Variants in PALLD observed in about 807,000 individuals in gnomAD.
PALLD encodes the protein palladin, cytoskeletal associated protein, also known as palladin.
A neutral mutation model predicts 123.5 loss-of-function variants in PALLD; 61 were observed. The ratio of observed to expected loss-of-function variants is 0.49; its 90% confidence interval spans 0.40 to 0.61. The LOEUF (loss-of-function observed/expected upper bound fraction) is 0.61. Among genes scored for constraint, PALLD ranks in the 20% least tolerant of loss-of-function variants. The pLI is 0.00. For synonymous variants in PALLD, 465 were observed against 496.4 expected, an observed-to-expected ratio of 0.94 and a Z score of 0.84; for missense variants, 1,273 against 1,377.0, an observed-to-expected ratio of 0.92 and a Z score of 1.20.
chr4:168,913,230 G>A (rs12644874), intron 15 of PALLD, among the ~76,000 whole-genome samples: 75,430 of 150,670 alleles, frequency 0.5, 22,438 homozygotes, highest in East Asian at 0.88. Context: ...TCCGCCTCCC[G>A]GGTTCAATAG....
chr4:168,670,444 C>T (rs996446011), intron 3 of PALLD, among the ~76,000 whole-genome samples: 9 of 151,996 alleles, frequency 5.9e-5, no homozygotes, highest in South Asian at 2.1e-4. Context: ...TAAAAAAAGC[C>T]GGGCGCGGGC....
In PALLD at chr4:168,690,730, G is replaced by A. The variant is rs753001032; in HGVS notation, c.1463G>A (p.Arg488Gln). The A allele has an allele frequency of 1.7e-5, 27 of 1,614,068 alleles. No individual in the cohort carries two copies. Among genetic ancestry groups the A allele is most frequent in the Middle Eastern group, 1.7e-4 (1 of 6,060 alleles). The part of the protein sequence containing the change: ...GSEIQDSPDF[R>Q]ILQKKPRSTA... ...GAAATCCAAGACTCTCCAGATTTCC[G>A]AATTCTACAGAAAAGTAAGGAGAAG... Residue 488 changes from arginine (R) to glutamine (Q), a missense_variant, in exon 7 of 22, where the codon CGA becomes CAA. Arg to Gln is a conservative substitution (Grantham distance 43, BLOSUM62 1). Transcript: ENST00000505667.
intron 10 of PALLD, among the ~76,000 whole-genome samples, chr4:168,757,176 C>T (rs180975372): frequency 2.3e-4 from 35 of 152,278 alleles, no homozygotes; most frequent in Admixed American, 2.1e-3. Flanking sequence ...ACAGATGTTT[C>T]AAGGAATTAG....
At position 168,926,729 on chromosome 4, in the gene PALLD, T is replaced by G. The variant is rs1762624470; in HGVS notation, c.*549T>G. The G allele has an allele frequency of 3.3e-6, 1 of 306,404 alleles. No homozygotes were observed. The highest frequency in any genetic ancestry group is 6.1e-5 in the South Asian group (1 of 16,424). 19.0% of individuals were successfully genotyped at this position (306,404 alleles called of 1,614,324 possible). On this transcript the variant is annotated 3_prime_UTR_variant, in exon 22 of 22. Transcript: ENST00000505667. ...TACAAGTGCCTTTAAACACAAGATA[T>G]AGGTGCTGTGTAGCCTGATAGTGTG...
intron 10 of PALLD, among the ~76,000 whole-genome samples, chr4:168,836,364 G>A (rs904258792): frequency 1.3e-5 from 2 of 152,172 alleles, no homozygotes; most frequent in Non-Finnish European, 2.9e-5. Flanking sequence ...TTGCAGACAA[G>A]GTGTGTCAGC....
intron 2 of PALLD, among the ~76,000 whole-genome samples, chr4:168,644,642 C>T (rs1212571982): frequency 1.3e-5 from 2 of 152,142 alleles, no homozygotes; most frequent in Non-Finnish European, 1.5e-5. Flanking sequence ...AGAGAGGACA[C>T]AGCAATGGAA....
At chr4:168,670,756 CAAAA>C (rs1297875131) in intron 3 of PALLD, among the ~76,000 whole-genome samples, 2 of 70,306 alleles carry the variant, frequency 2.8e-5, no homozygotes, top group African/African-American at 1.4e-4. Flanking sequence ...ACAAAAAAAA[CAAAA>C]AAAACAAAAA....
intron 1 of PALLD, among the ~76,000 whole-genome samples, chr4:168,501,267 A>G (rs191272408): frequency 5.3e-5 from 8 of 152,130 alleles, no homozygotes; most frequent in African/African-American, 1.7e-4. Flanking sequence ...AAAAAGAATT[A>G]GCAGGACTTG....
At chr4:168,850,309 A>G (rs1747553573) in intron 10 of PALLD, among the ~76,000 whole-genome samples, 1 of 152,046 alleles carries the variant, frequency 6.6e-6, no homozygotes, top group Non-Finnish European at 1.5e-5. Flanking sequence ...AAGAATTTAA[A>G]AGATAAGAGG....
chr4:168,632,132 G>T (rs947135583), intron 2 of PALLD, among the ~76,000 whole-genome samples: 1 of 150,784 alleles, frequency 6.6e-6, no homozygotes, highest in African/African-American at 2.4e-5. Context: ...TTGGAGTTAG[G>T]GTGGGGGAGG....
At chr4:168,793,722 G>A (rs1020014958) in intron 10 of PALLD, among the ~76,000 whole-genome samples, 1 of 152,132 alleles carries the variant, frequency 6.6e-6, no homozygotes, top group Non-Finnish European at 1.5e-5. Context: ...CGCACAGGAA[G>A]AGCACAGCCC....
intron 10 of PALLD, among the ~76,000 whole-genome samples, chr4:168,824,254 T>C (rs1348840793): frequency 6.6e-6 from 1 of 152,212 alleles, no homozygotes; most frequent in Non-Finnish European, 1.5e-5. Flanking sequence ...TTGTCAACTT[T>C]GTCCAGAAAT....
At chr4:168,578,214 T>C (rs1195185958) in intron 2 of PALLD, among the ~76,000 whole-genome samples, 1 of 150,950 alleles carries the variant, frequency 6.6e-6, no homozygotes, top group Non-Finnish European at 1.5e-5. Flanking sequence ...CATCTAATTG[T>C]GAATCAAATA....
chr4:168,513,630 T>G (rs1214946064), intron 2 of PALLD, among the ~76,000 whole-genome samples: 1 of 152,244 alleles, frequency 6.6e-6, no homozygotes, highest in African/African-American at 2.4e-5. Flanking sequence ...ACCTTGCAGC[T>G]AGTAACTGCT....
chr4:168,589,230 T>C (rs1490997709), intron 2 of PALLD, among the ~76,000 whole-genome samples: 2 of 152,196 alleles, frequency 1.3e-5, no homozygotes. Context: ...CCACGTCTGA[T>C]CTAATGAGAA....
chr4:168,577,684 G>A (rs1170206627), intron 2 of PALLD, among the ~76,000 whole-genome samples: 1 of 151,874 alleles, frequency 6.6e-6, no homozygotes, highest in African/African-American at 2.4e-5. Context: ...CTCAAAAGAG[G>A]CCACCAGTTC....
chr4:168,904,620 A>G (rs1229466165), intron 15 of PALLD, among the ~76,000 whole-genome samples: 1 of 152,158 alleles, frequency 6.6e-6, no homozygotes, highest in African/African-American at 2.4e-5. Context: ...AGCTCAATGT[A>G]TGACAGGTAG....
At chr4:168,735,200 C>T (rs931504313) in intron 10 of PALLD, among the ~76,000 whole-genome samples, 7 of 152,050 alleles carry the variant, frequency 4.6e-5, no homozygotes, top group Admixed American at 1.3e-4. Context: ...ATGTGCTGTC[C>T]CCATTGGCAG....
At position 168,724,137 on chromosome 4, in the gene PALLD, T is replaced by C. The variant is rs17708109; in HGVS notation, c.1964+12214T>C. Among the ~76,000 whole-genome samples the C allele has an allele frequency of 0.031, 4,752 of 152,266 alleles. 340 individuals are homozygous for C. The East Asian group carries it at 0.32, about 10-fold the overall frequency. On this transcript the variant is annotated intron_variant, in intron 10 of 21. Transcript: ENST00000505667. ...CTTGATCTCTTGACCTCGTGTTGAA[T>C]TGGGTTTTTATTGAACAAGCCCAAT...
Sources: gnomAD v4.1 joint callset for allele counts (sites outside exome capture counted in the v4.1 genomes callset) on GRCh38, gnomAD v4.1.1 for gene constraint, MANE v1.5 for transcripts, NCBI Gene and HGNC (gene_info 2026-07-23, HGNC 2026-07-21) for gene names.